Variants in PSAP observed in about 807,000 individuals in gnomAD.
PSAP encodes the protein prosaposin.
A neutral mutation model predicts 66.0 loss-of-function variants in PSAP; 25 were observed. The observed-to-expected ratio is 0.38, with a 90% CI of 0.28 to 0.53. The LOEUF (loss-of-function observed/expected upper bound fraction) is 0.53, where lower values mean the gene tolerates loss of function less well. PSAP is among the 20% of genes least tolerant of loss of function. The probability of loss-of-function intolerance (pLI) is 0.83; values close to 1 mark genes in which losing one functional copy is unlikely to be tolerated. For synonymous variants in PSAP, 273 were observed against 258.9 expected, an observed-to-expected ratio of 1.05 and a Z score of -0.52; for missense variants, 649 against 668.8, an observed-to-expected ratio of 0.97 and a Z score of 0.33.
intron 8 of PSAP, among the ~76,000 whole-genome samples, chr10:71,820,763 A>G (rs1842287014): frequency 6.6e-6 from 1 of 152,232 alleles, no homozygotes; most frequent in Non-Finnish European, 1.5e-5. Context: ...AACACACTTC[A>G]GGTCTGCTCG....
chr10:71,819,556 T>C lies in PSAP; in HGVS notation c.1259A>G (p.Asp420Gly). The C allele has an allele frequency of 6.2e-7, 1 of 1,614,212 alleles. No homozygotes were observed. Among genetic ancestry groups the C allele is most frequent in the Non-Finnish European group, 8.5e-7 (1 of 1,180,046 alleles). Residue 420 changes from aspartate to glycine, a missense_variant, in exon 11 of 14, where the codon GAT becomes GGT. By Grantham distance (94) the Asp-to-Gly change is moderately conservative. Transcript: ENST00000394936. The part of the protein sequence containing the change: ...EVCKKLVGYL[D>G]RNLEKNSTKQ... ...GGTGCTGTTTTTCTCCAGGTTGCGA[T>C]CCAAATAACCCACCAGCTTCTTGCA...
chr10:71,820,471 G>A, intron 8 of PSAP, 136 bp from the exon 9 acceptor site: 1 of 742,910 alleles, frequency 1.3e-6, no homozygotes, highest in Non-Finnish European at 2.5e-6. Context: ...AATTCCAAAT[G>A]GCGTGTGGCT....
At chr10:71,831,045 T>G (rs1842501562) in intron 4 of PSAP, 81 bp downstream of exon 4, 4 of 1,589,496 alleles carry the variant, frequency 2.5e-6, no homozygotes, top group Non-Finnish European at 3.4e-6. Flanking sequence ...GACTTTCCAT[T>G]TTAATCAATC....
rs1381759961 is a variant in PSAP at position 71,817,264 on chromosome 10, G to A, written c.*177C>T. 3 of 754,040 alleles carry A rather than the reference G, an allele frequency of 4.0e-6. No individual in the cohort carries two copies. The highest frequency in any genetic ancestry group is 3.4e-5 in the African/African-American group (2 of 58,210). 46.7% of individuals were successfully genotyped at this position (754,040 alleles called of 1,614,324 possible). ...GGCACTGAAGCAGCTATGTCTGCCA[G>A]GGGCTAGGGGCTCCCTTGCAGACAG... On this transcript the variant is annotated 3_prime_UTR_variant, in exon 14 of 14. Coordinates refer to ENST00000394936, the MANE Select transcript of PSAP (RefSeq NM_002778.4).
chr10:71,826,016 T>C (rs1042825602), intron 6 of PSAP, 123 bp from the exon 7 acceptor site: 4 of 802,532 alleles, frequency 5.0e-6, no homozygotes, highest in South Asian at 2.9e-5. Flanking sequence ...GTTTCTAAAG[T>C]AGAATTTTAT....
intron 1 of PSAP, among the ~76,000 whole-genome samples, chr10:71,841,716 C>CA (rs1301938416): frequency 6.6e-6 from 1 of 151,978 alleles, no homozygotes; most frequent in Admixed American, 6.6e-5. Context: ...ACTAAAAATA[C>CA]AAAAAATGGC....
intron 1 of PSAP, among the ~76,000 whole-genome samples, chr10:71,847,966 C>T (rs1006310453): frequency 6.6e-6 from 1 of 152,154 alleles, no homozygotes; most frequent in Non-Finnish European, 1.5e-5. Flanking sequence ...CTAGCCACCA[C>T]ACAGCTGACA....
intron 1 of PSAP, among the ~76,000 whole-genome samples, chr10:71,849,049 C>G (rs1842876564): frequency 6.6e-6 from 1 of 152,052 alleles, no homozygotes. Flanking sequence ...TGAATCAGAA[C>G]TCTTAAGGGT....
rs749092837 is a variant in PSAP at position 71,831,222 on chromosome 10, G to A, written c.279C>T (p.Thr93=). Residue 93 remains threonine (T), a synonymous_variant, in exon 4 of 14, where the codon ACC becomes ACT. Coordinates refer to ENST00000394936, the MANE Select transcript of PSAP (RefSeq NM_002778.4). ...EEEILVYLEK[T]CDWLPKPNMS... is the part of the protein sequence containing the mutation. The stretch of plus-strand genomic sequence containing the variant: ...TGTTCGGTTTCGGAAGCCAGTCACA[G>A]GTCTTCTCCAAGTAAACAAGGATCT... 1.2e-6 allele frequency: 2 copies of A among 1,614,062 alleles called. No homozygotes were observed. Among genetic ancestry groups the A allele is most frequent in the African/African-American group, 1.3e-5 (1 of 75,022 alleles).
intron 6 of PSAP, among the ~76,000 whole-genome samples, chr10:71,826,541 T>G (rs1211072587): frequency 6.6e-6 from 1 of 152,164 alleles, no homozygotes; most frequent in Non-Finnish European, 1.5e-5. Flanking sequence ...GCTTTCAAAA[T>G]GAATGAATGT....
intron 1 of PSAP, among the ~76,000 whole-genome samples, chr10:71,838,850 A>G (rs1213875825): frequency 6.6e-6 from 1 of 152,096 alleles, no homozygotes; most frequent in Non-Finnish European, 1.5e-5. Context: ...CTTATGAGCA[A>G]TTCTATATAA....
At chr10:71,834,670 G>A (rs536390998) in intron 1 of PSAP, among the ~76,000 whole-genome samples, 165 bp from the exon 2 acceptor site, 26 of 152,290 alleles carry the variant, frequency 1.7e-4, no homozygotes, top group African/African-American at 5.5e-4. Flanking sequence ...CGCCTGTCCC[G>A]GTCAAGAAGC....
In PSAP at chr10:71,832,006, A is replaced by G. The variant is rs994643949; in HGVS notation, c.175-86T>C. 1.5e-5 allele frequency: 20 copies of G among 1,290,980 alleles called. No individual in the cohort carries two copies. The Admixed American group carries it at 2.7e-4, about 17-fold the overall frequency. The allele number at this position is 1,290,980 out of a possible 1,614,324, so 80.0% of individuals were successfully genotyped here. On this transcript the variant is annotated intron_variant, in intron 2 of 13. Transcript: ENST00000394936. ...TGGAACTCCCCATGGCCTTTTCGCT[A>G]TTCTCTCTAACCAGGGATATGATCA...
chr10:71,850,499 T>C (rs74234126), intron 1 of PSAP, among the ~76,000 whole-genome samples: 12,951 of 152,216 alleles, frequency 0.085, 563 homozygotes, highest in Middle Eastern at 0.11. Flanking sequence ...ATTTGATTGA[T>C]GTCTCGTGCC....
chr10:71,833,596 A>T lies in PSAP; in HGVS notation c.174+776T>A, dbSNP rs114424600. Among the ~76,000 whole-genome samples the T allele has an allele frequency of 1.6e-3, 243 of 152,290 alleles. 1 individual carries two copies. Among genetic ancestry groups the T allele is most frequent in the African/African-American group, 5.1e-3 (214 of 41,566 alleles). On this transcript the variant is annotated intron_variant, in intron 2 of 13. Coordinates refer to ENST00000394936, the MANE Select transcript of PSAP (RefSeq NM_002778.4). ...CCACTGACAAGTTTTTTAGAACCCA[A>T]AGTCCACTCAGTCAAACACAGCCCG... is the stretch of plus-strand genomic sequence containing the variant.
chr10:71,827,455 A>C (rs72804005), intron 6 of PSAP, among the ~76,000 whole-genome samples: 5 of 149,154 alleles, frequency 3.4e-5, no homozygotes, highest in Admixed American at 6.6e-5. Flanking sequence ...GGCCGGGCGC[A>C]GAGACTCACG....
chr10:71,835,219 A>AAATAAAT (rs1842597401), intron 1 of PSAP, among the ~76,000 whole-genome samples: 2 of 147,280 alleles, frequency 1.4e-5, no homozygotes, highest in African/African-American at 5.0e-5. Context: ...TCCGTTTCAA[A>AAATAAAT]AAATAAATAA....
intron 7 of PSAP, among the ~76,000 whole-genome samples, chr10:71,823,185 T>C (rs1244750977): frequency 6.6e-6 from 1 of 152,132 alleles, no homozygotes; most frequent in Non-Finnish European, 1.5e-5. Flanking sequence ...TCCTAGCAGA[T>C]GGATGCCAAC....
Position 71,817,224 on chromosome 10 carries a change from A to G in PSAP, c.*217T>C. On this transcript the variant is annotated 3_prime_UTR_variant, in exon 14 of 14. Coordinates refer to ENST00000394936, the MANE Select transcript of PSAP (RefSeq NM_002778.4). ...ACCTCCAGTGCATCAACATCCATCT[A>G]GCAGAGAGAAAAGGGGCACTGAAGC... The G allele has an allele frequency of 3.1e-6, 2 of 654,254 alleles. No homozygotes were observed. Among genetic ancestry groups the G allele is most frequent in the Non-Finnish European group, 5.5e-6 (2 of 364,390 alleles). 40.5% of individuals were successfully genotyped at this position (654,254 alleles called of 1,614,324 possible).
Sources: allele counts gnomAD v4.1 joint callset (sites outside exome capture counted in the v4.1 genomes callset), GRCh38; gene constraint gnomAD v4.1.1; transcripts MANE v1.5; gene names NCBI Gene and HGNC (gene_info 2026-07-23, HGNC 2026-07-21).